The following CPEB2 variants were observed in gnomAD, a reference collection of about 807,000 sequenced individuals.
The protein encoded by CPEB2 is cytoplasmic polyadenylation element binding protein 2.
A neutral mutation model predicts 93.6 loss-of-function variants in CPEB2; 56 were observed. That is an observed-to-expected ratio of 0.60 (90% CI 0.48 to 0.75). CPEB2 has a LOEUF of 0.75. Ranked by LOEUF, CPEB2 falls within the 30% of genes least tolerant of loss-of-function variation. The pLI is 0.00. For missense variants in CPEB2, 1,579 were observed against 1,395.1 expected, an observed-to-expected ratio of 1.13 and a Z score of -2.10; for synonymous variants, 764 against 586.3, an observed-to-expected ratio of 1.30 and a Z score of -4.38.
intron 6 of CPEB2, among the ~76,000 whole-genome samples, chr4:15,051,667 T>A (rs1311807265): frequency 4.6e-5 from 7 of 152,240 alleles, no homozygotes. Flanking sequence ...TTCTTATGGA[T>A]GTGTACCATG....
chr4:15,019,574 C>G (rs1177586765), intron 4 of CPEB2, among the ~76,000 whole-genome samples: 1 of 151,958 alleles, frequency 6.6e-6, no homozygotes, highest in Non-Finnish European at 1.5e-5. Context: ...CTTACCTTCT[C>G]AACCCTTGTA....
intron 3 of CPEB2, among the ~76,000 whole-genome samples, chr4:15,009,101 G>A (rs565177987): frequency 1.3e-5 from 2 of 152,266 alleles, no homozygotes; most frequent in East Asian, 3.9e-4. Flanking sequence ...TAGGTACCAG[G>A]TGGTGAGGAT....
chr4:15,062,861 G>A (rs897272910), intron 11 of CPEB2, among the ~76,000 whole-genome samples: 1 of 151,934 alleles, frequency 6.6e-6, no homozygotes, highest in African/African-American at 2.4e-5. Flanking sequence ...ATAAGAACTT[G>A]TAAGAAGTAC....
intron 4 of CPEB2, among the ~76,000 whole-genome samples, chr4:15,021,323 G>A (rs1724788613): frequency 6.6e-6 from 1 of 152,112 alleles, no homozygotes; most frequent in Non-Finnish European, 1.5e-5. Context: ...TCTTTAAATG[G>A]TTAAAGTAAA....
intron 10 of CPEB2, among the ~76,000 whole-genome samples, chr4:15,060,042 T>C (rs1379961799): frequency 6.6e-6 from 1 of 152,148 alleles, no homozygotes; most frequent in Non-Finnish European, 1.5e-5. Flanking sequence ...TCTGATATCT[T>C]GAAGGTATTT....
chr4:15,055,411 A>C (rs889711170), intron 8 of CPEB2, among the ~76,000 whole-genome samples: 1 of 152,172 alleles, frequency 6.6e-6, no homozygotes, highest in African/African-American at 2.4e-5. Context: ...TTATTAGCTT[A>C]GTTTTAGTGT....
intron 4 of CPEB2, among the ~76,000 whole-genome samples, chr4:15,020,321 G>T (rs1265563235): frequency 1.8e-4 from 28 of 152,070 alleles, no homozygotes; most frequent in Admixed American, 1.8e-3. Context: ...GTAAAAGGCA[G>T]AGTGGTAAAT....
intron 6 of CPEB2, among the ~76,000 whole-genome samples, chr4:15,041,472 G>A (rs1265304780): frequency 6.6e-6 from 1 of 151,190 alleles, no homozygotes; most frequent in East Asian, 1.9e-4. Flanking sequence ...GCGCGATCTC[G>A]GCTCACCACA....
intron 3 of CPEB2, among the ~76,000 whole-genome samples, chr4:15,015,763 G>A (rs1302715276): frequency 6.6e-6 from 1 of 151,902 alleles, no homozygotes; most frequent in Admixed American, 6.6e-5. Flanking sequence ...GACAATCAGT[G>A]GATGGCTGAA....
chr4:15,034,686 AT>A (rs1431475457), intron 5 of CPEB2, among the ~76,000 whole-genome samples: 1 of 152,248 alleles, frequency 6.6e-6, no homozygotes, highest in East Asian at 1.9e-4. Context: ...TCCAAAGAGA[AT>A]TTTTTTTAAA....
At chr4:15,058,364 A>AGG in intron 8 of CPEB2, 57 bp from the exon 9 acceptor site, 1 of 956,284 alleles carries the variant, frequency 1.0e-6, no homozygotes, top group Non-Finnish European at 1.6e-6. Context: ...TAGTACTGAA[A>AGG]TTTGGAGTAA....
intron 5 of CPEB2, among the ~76,000 whole-genome samples, chr4:15,040,040 T>C (rs1047496034): frequency 6.6e-6 from 1 of 152,132 alleles, no homozygotes; most frequent in African/African-American, 2.4e-5. Flanking sequence ...AACAGCTATT[T>C]ATTGGACTAT....
At chr4:15,058,177 A>G (rs1261811715) in intron 8 of CPEB2, among the ~76,000 whole-genome samples, 1 of 152,240 alleles carries the variant, frequency 6.6e-6, no homozygotes, top group African/African-American at 2.4e-5. Context: ...ATACTAATGC[A>G]TGTAAGTTAA....
chr4:15,040,941 A>G (rs1185732887), intron 6 of CPEB2, among the ~76,000 whole-genome samples: 7 of 152,160 alleles, frequency 4.6e-5, no homozygotes, highest in Non-Finnish European at 8.8e-5. Context: ...ATTATTTTTA[A>G]CAGTGATTTA....
chr4:15,056,701 T>G (rs539128949), intron 8 of CPEB2, among the ~76,000 whole-genome samples: 23 of 152,310 alleles, frequency 1.5e-4, no homozygotes, highest in African/African-American at 5.3e-4. Flanking sequence ...TACCTTGTAA[T>G]TACAGCAGTG....
In CPEB2 at chr4:15,004,085, A is replaced by T; in HGVS notation, c.1412A>T (p.His471Leu). The change falls in exon 1 of 12, where the codon CAC becomes CTC. Residue 471 changes from histidine to leucine, a missense_variant. Around this residue, in one of 2 missense-constraint regions of CPEB2, gnomAD observed 1,411 missense variants for 1,056.0 expected, o/e 1.34. Coordinates refer to ENST00000538197, the MANE Select transcript of CPEB2 (RefSeq NM_001177382.2). Reference protein sequence around the residue: ...FFPSFSPVSPHGCTGLSVPTS... With the variant: ...FFPSFSPVSPLGCTGLSVPTS... ...CCTAGCTTCTCGCCCGTGTCGCCGC[A>T]CGGCTGCACTGGGCTCAGCGTTCCG... 6.4e-7 allele frequency: 1 copy of T among 1,561,068 alleles called. No homozygotes were observed. Among genetic ancestry groups the T allele is most frequent in the Non-Finnish European group, 8.6e-7 (1 of 1,157,400 alleles).
chr4:15,037,722 T>A (rs1186786754), intron 5 of CPEB2, among the ~76,000 whole-genome samples: 1 of 152,214 alleles, frequency 6.6e-6, no homozygotes, highest in Non-Finnish European at 1.5e-5. Context: ...CCTGTGCATA[T>A]ACACATCAAC....
Position 15,003,834 on chromosome 4 carries a change from C to G in CPEB2, c.1161C>G (p.Thr387=). The G allele has an allele frequency of 1.1e-6, 1 of 917,098 alleles. No individual in the cohort carries two copies. The highest frequency in any genetic ancestry group is 1.4e-6 in the Non-Finnish European group (1 of 698,286). The allele number at this position is 917,098 out of a possible 1,614,324, so 56.8% of individuals were successfully genotyped here. ...TCGGCACCCCCTGGTCGGTGCAGAC[C>G]GCGTCGCCGCCACCCCAGCCCCAGC... ...PGFGTPWSVQ[T]ASPPPQPQQP... is the part of the protein sequence containing the mutation. Residue 387 remains threonine, a synonymous_variant, in exon 1 of 12, where the codon ACC becomes ACG. Transcript: ENST00000538197.
At chr4:15,052,613 T>C in intron 7 of CPEB2, 29 bp downstream of exon 7, 1 of 1,370,542 alleles carries the variant, frequency 7.3e-7, no homozygotes, top group Non-Finnish European at 9.7e-7. Context: ...ATTAACATGG[T>C]GATTTGGGCT....
Sources: gnomAD v4.1 joint callset for allele counts (sites outside exome capture counted in the v4.1 genomes callset) on GRCh38, gnomAD v4.1.1 for gene constraint, gnomAD v4.1.1 regional missense constraint, MANE v1.5 for transcripts, NCBI Gene and HGNC (gene_info 2026-07-23, HGNC 2026-07-21) for gene names.